The following UBTD2 variants were observed in gnomAD, a reference collection of about 807,000 sequenced individuals.
The protein encoded by UBTD2 is ubiquitin domain containing 2, also known as ubiquitin domain-containing protein 2.
UBTD2 carries 9 observed loss-of-function variants against 19.8 expected under a neutral mutation model. The ratio of observed to expected loss-of-function variants is 0.46; its 90% CI spans 0.27 to 0.79. The LOEUF (loss-of-function observed/expected upper bound fraction) is 0.79, where lower values mean the gene tolerates loss of function less well. UBTD2 is among the 30% of genes least tolerant of loss of function. The pLI is 0.14. For missense variants in UBTD2, 250 were observed against 300.4 expected, an observed-to-expected ratio of 0.83 and a Z score of 1.24; for synonymous variants, 98 against 103.9, an observed-to-expected ratio of 0.94 and a Z score of 0.35.
chr5:172,242,122 C>A (rs1020631860), intron 1 of UBTD2, among the ~76,000 whole-genome samples: 1 of 152,184 alleles, frequency 6.6e-6, no homozygotes, highest in African/African-American at 2.4e-5. Context: ...CCTTTGCCTT[C>A]CGCCATGATT....
intron 1 of UBTD2, among the ~76,000 whole-genome samples, chr5:172,253,964 A>G (rs1755085795): frequency 6.6e-6 from 1 of 152,132 alleles, no homozygotes; most frequent in Non-Finnish European, 1.5e-5. Context: ...TGGTAAGGAG[A>G]GGGAGGATTA....
intron 1 of UBTD2, among the ~76,000 whole-genome samples, chr5:172,279,924 A>C (rs2113144855): frequency 6.6e-6 from 1 of 152,304 alleles, no homozygotes; most frequent in Non-Finnish European, 1.5e-5. Flanking sequence ...CAACACGGTG[A>C]AACCCCATCT....
intron 2 of UBTD2, 103 bp downstream of exon 2, chr5:172,234,019 T>G (rs1409016225): frequency 1.6e-6 from 2 of 1,225,462 alleles, no homozygotes; most frequent in East Asian, 4.7e-5. Flanking sequence ...AAAAAAAAGT[T>G]AGAATAATTC....
chr5:172,249,488 A>G (rs930388226), intron 1 of UBTD2, among the ~76,000 whole-genome samples: 1 of 151,424 alleles, frequency 6.6e-6, no homozygotes, highest in Non-Finnish European at 1.5e-5. Context: ...AACTCATTCT[A>G]TGAGGCCAAC....
intron 1 of UBTD2, among the ~76,000 whole-genome samples, chr5:172,269,058 AAAAG>A (rs1349299999): frequency 1.3e-5 from 2 of 152,220 alleles, no homozygotes. Flanking sequence ...AAGTGCAAAA[AAAAG>A]AGATACAAAG....
intron 1 of UBTD2, among the ~76,000 whole-genome samples, chr5:172,247,727 A>T (rs986975989): frequency 1.3e-5 from 2 of 152,240 alleles, no homozygotes; most frequent in African/African-American, 2.4e-5. Context: ...CAGTTCTACA[A>T]ACAATACTTG....
At chr5:172,272,416 G>A (rs1435344643) in intron 1 of UBTD2, among the ~76,000 whole-genome samples, 3 of 152,180 alleles carry the variant, frequency 2.0e-5, no homozygotes, top group South Asian at 2.1e-4. Flanking sequence ...GGAAAGATGC[G>A]AGGGATGAGG....
Position 172,211,838 on chromosome 5 carries a change from C to T in UBTD2, c.697G>A (p.Glu233Lys), listed in dbSNP as rs2113868877. 2 of 1,608,410 alleles carry T rather than the reference C, an allele frequency of 1.2e-6. No individual in the cohort carries two copies. The highest frequency in any genetic ancestry group is 1.7e-6 in the Non-Finnish European group (2 of 1,176,018). ...SQPVQNPTPV[E>K]N Reference sequence around the variant, plus strand: ...GGCCAACAGGGCTCAGTTCAGTTCTCCACTGGTGTTGGGTTCTGCACAGGT... The same window carrying T: ...GGCCAACAGGGCTCAGTTCAGTTCTTCACTGGTGTTGGGTTCTGCACAGGT... Residue 233 changes from glutamate to lysine, a missense_variant, in exon 3 of 3, where the codon GAG becomes AAG. Coordinates refer to ENST00000393792, the MANE Select transcript of UBTD2 (RefSeq NM_152277.3).
At chr5:172,225,605 A>C (rs1227052532) in intron 2 of UBTD2, among the ~76,000 whole-genome samples, 1 of 152,194 alleles carries the variant, frequency 6.6e-6, no homozygotes, top group Non-Finnish European at 1.5e-5. Context: ...GCATCACTAC[A>C]TGAACAGGTT....
chr5:172,254,128 CTCGCTCTG>C (rs1755090718), intron 1 of UBTD2, among the ~76,000 whole-genome samples: 1 of 152,130 alleles, frequency 6.6e-6, no homozygotes, highest in African/African-American at 2.4e-5. Flanking sequence ...GAGACAGAGT[CTCGCTCTG>C]TCGCCCAGGC....
chr5:172,227,564 T>C (rs999780678), intron 2 of UBTD2, among the ~76,000 whole-genome samples: 3 of 152,118 alleles, frequency 2.0e-5, no homozygotes, highest in Non-Finnish European at 2.9e-5. Flanking sequence ...TTTGTATTTT[T>C]ATTAAAGATG....
intron 1 of UBTD2, chr5:172,255,141 A>C (rs1324627799): frequency 1.5e-5 from 7 of 467,280 alleles, no homozygotes; most frequent in Non-Finnish European, 2.5e-5. Context: ...GGCTGGAAGA[A>C]GGCATGCTCA....
Position 172,210,035 on chromosome 5 carries a change from T to C in UBTD2, c.*1795A>G, listed in dbSNP as rs964559117. The C allele has an allele frequency of 6.6e-6, 1 of 152,296 alleles. No individual in the cohort carries two copies. Among genetic ancestry groups the C allele is most frequent in the African/African-American group, 2.4e-5 (1 of 41,564 alleles). The allele number at this position is 152,296 out of a possible 1,614,324, so 9.4% of individuals were successfully genotyped here. A position where few individuals can be genotyped will look rare whatever the true frequency, so the allele number is the denominator to read the frequency against. ...AAAAACTTTGATGACAGGAGCAATA[T>C]ACTGATTTACCCTAATATCTCCACC... On this transcript the variant is annotated 3_prime_UTR_variant, in exon 3 of 3. Coordinates refer to ENST00000393792, the MANE Select transcript of UBTD2 (RefSeq NM_152277.3).
intron 1 of UBTD2, among the ~76,000 whole-genome samples, chr5:172,278,889 C>T (rs1487155565): frequency 6.6e-6 from 1 of 152,162 alleles, no homozygotes; most frequent in Non-Finnish European, 1.5e-5. Context: ...ATTCTCCTGC[C>T]TCAGCCTCCT....
chr5:172,230,115 C>A (rs1437553509), intron 2 of UBTD2, among the ~76,000 whole-genome samples: 1 of 152,106 alleles, frequency 6.6e-6, no homozygotes, highest in Non-Finnish European at 1.5e-5. Context: ...ATGTTCATAC[C>A]ATTCTCAATA....
chr5:172,256,873 G>T (rs1045172867), intron 1 of UBTD2, among the ~76,000 whole-genome samples: 1 of 152,054 alleles, frequency 6.6e-6, no homozygotes, highest in Non-Finnish European at 1.5e-5. Flanking sequence ...AGCTGAGATC[G>T]CACCACTGCA....
chr5:172,255,320 A>T (rs1362375107), intron 1 of UBTD2: 1 of 456,890 alleles, frequency 2.2e-6, no homozygotes, highest in Non-Finnish European at 4.4e-6. Context: ...AATTGTGTGG[A>T]GTAGATGACC....
intron 1 of UBTD2, among the ~76,000 whole-genome samples, chr5:172,249,550 A>G (rs1451144718): frequency 2.0e-5 from 3 of 152,172 alleles, no homozygotes; most frequent in African/African-American, 7.2e-5. Context: ...ACTACAGAGC[A>G]ATATCCCTTA....
At chr5:172,273,586 G>A (rs1369303815) in intron 1 of UBTD2, among the ~76,000 whole-genome samples, 18 of 91,208 alleles carry the variant, frequency 2.0e-4, no homozygotes, top group African/African-American at 5.5e-4. Flanking sequence ...GTGAGACTCC[G>A]TCTCAAAAAA....
Sources: gnomAD v4.1 joint callset for allele counts (sites outside exome capture counted in the v4.1 genomes callset) on GRCh38, gnomAD v4.1.1 for gene constraint, MANE v1.5 for transcripts, NCBI Gene and HGNC (gene_info 2026-07-23, HGNC 2026-07-21) for gene names.